The following PITPNM2 variants were observed in gnomAD, a reference collection of about 807,000 sequenced individuals.
PITPNM2 encodes membrane-associated phosphatidylinositol transfer protein 2.
In PITPNM2, 35 loss-of-function variants were observed where a neutral mutation model predicts 132.2. That is an observed-to-expected ratio of 0.26 (90% CI 0.20 to 0.35). PITPNM2 has a LOEUF of 0.35. Ranked by LOEUF, PITPNM2 falls within the 10% of genes least tolerant of loss-of-function variation. The pLI is 1.00. For missense variants in PITPNM2, 1,332 were observed against 1,912.0 expected (o/e 0.70, Z 5.66); for synonymous variants, 738 against 799.2 (o/e 0.92, Z 1.29).
chr12:123,074,092 G>A (rs971046814), intron 2 of PITPNM2, among the ~76,000 whole-genome samples: 24 of 152,192 alleles, frequency 1.6e-4, no homozygotes, highest in African/African-American at 4.6e-4. Context: ...GGGAGGGAGC[G>A]AAGGAGTGAA....
intron 8 of PITPNM2, among the ~76,000 whole-genome samples, chr12:123,003,385 G>A (rs751756636): frequency 1.3e-5 from 2 of 152,124 alleles, no homozygotes; most frequent in Admixed American, 6.5e-5. Flanking sequence ...TGTGAAATAC[G>A]TATTGTCCTC....
chr12:123,068,128 T>C (rs1245919302), intron 2 of PITPNM2, among the ~76,000 whole-genome samples: 1 of 152,142 alleles, frequency 6.6e-6, no homozygotes, highest in Non-Finnish European at 1.5e-5. Context: ...TGAACAGCTT[T>C]TTCTAGGCCC....
intron 3 of PITPNM2, among the ~76,000 whole-genome samples, chr12:123,029,808 T>C (rs2040008427): frequency 6.8e-6 from 1 of 147,840 alleles, no homozygotes; most frequent in African/African-American, 2.6e-5. Context: ...ATATGTTGTG[T>C]GTGGACACAC....
At chr12:123,135,572 T>G (rs1016400711) in intron 1 of PITPNM2, among the ~76,000 whole-genome samples, 1 of 152,222 alleles carries the variant, frequency 6.6e-6, no homozygotes, top group Non-Finnish European at 1.5e-5. Flanking sequence ...AGTCTATGAA[T>G]TTGACTACTC....
At chr12:122,995,959 T>A (rs2038410364) in intron 13 of PITPNM2, among the ~76,000 whole-genome samples, 1 of 152,192 alleles carries the variant, frequency 6.6e-6, no homozygotes, top group Non-Finnish European at 1.5e-5. Context: ...CAGACCCTGG[T>A]TCAGGCTCAT....
At chr12:122,989,981 C>T (rs1166407332) in intron 17 of PITPNM2, 33 bp from the exon 18 acceptor site, 6 of 1,298,298 alleles carry the variant, frequency 4.6e-6, no homozygotes, top group East Asian at 3.1e-5. Flanking sequence ...GGCTCAGCCA[C>T]GCGGGGATGA....
chr12:123,011,030 T>C (rs1592940613), intron 5 of PITPNM2, among the ~76,000 whole-genome samples: 1 of 152,220 alleles, frequency 6.6e-6, no homozygotes, highest in Non-Finnish European at 1.5e-5. Context: ...AGGCCACTTA[T>C]GATCACAGGC....
chr12:123,133,812 ACAGACACACACACG>A (rs1193658729), intron 1 of PITPNM2, among the ~76,000 whole-genome samples: 1 of 106,278 alleles, frequency 9.4e-6, no homozygotes, highest in Non-Finnish European at 2.1e-5. Flanking sequence ...ACACACACAC[ACAGACACACACACG>A]CTCCTCCCTC....
At chr12:123,021,807 G>T in intron 3 of PITPNM2, 1 of 708,714 alleles carries the variant, frequency 1.4e-6, no homozygotes, top group Non-Finnish European at 1.7e-6. Context: ...CTTTCTGTGT[G>T]GTCTCTGATA....
intron 1 of PITPNM2, among the ~76,000 whole-genome samples, chr12:123,148,326 G>T (rs569521784): frequency 6.6e-6 from 1 of 152,318 alleles, no homozygotes; most frequent in African/African-American, 2.4e-5. Flanking sequence ...TGACTCTGCG[G>T]TCATAAGCAG....
Position 122,990,614 on chromosome 12 carries a change from T to C in PITPNM2, c.2500A>G (p.Ser834Gly). ...APASRGFRRA[S>G]EISIASQVSG... ...ACCTGGCTGGCGATGCTGATCTCAC[T>C]GGCTCGGCGGAAGCCACGACTGGCA... Residue 834 changes from serine (S) to glycine (G), a missense_variant, in exon 17 of 26, where the codon AGT becomes GGT. Physicochemically the swap from Ser to Gly is moderately conservative, Grantham distance 56. Transcript: ENST00000320201. 1.9e-6 allele frequency: 3 copies of C among 1,612,006 alleles called. No homozygotes were observed. The highest frequency in any genetic ancestry group is 2.5e-6 in the Non-Finnish European group (3 of 1,179,888).
rs776740799 is a variant in PITPNM2 at position 123,150,471 on chromosome 12, C to A, written c.-200+282G>T. ...CGGGGGTCCCCCACGCGGTCGCGAC[C>A]GACGGAAATTCGGAAATCAGCGTTT... On this transcript the variant is annotated intron_variant, in intron 1 of 25. Transcript: ENST00000320201. This position sits in a 1 kb window ranked among gnomAD's most constrained non-coding sequence, Gnocchi z 6.0. 2.0e-4 allele frequency among the ~76,000 whole-genome samples: 31 copies of A among 152,102 alleles called. No individual in the cohort carries two copies. The highest frequency in any genetic ancestry group is 4.0e-4 in the Non-Finnish European group (27 of 68,012).
At chr12:123,011,175 T>G (rs929087172) in intron 5 of PITPNM2, among the ~76,000 whole-genome samples, 11 of 152,266 alleles carry the variant, frequency 7.2e-5, no homozygotes. Flanking sequence ...GAACCCTTTT[T>G]TGCGGTCGGT....
rs755532283 is a variant in PITPNM2, at chr12:122,996,842, A to C, written c.1541T>G (p.Leu514Arg). ...SSQDHIPLAA[L>R]PLLATSSPQY... ...GGGGGAGGAGGTGGCCAGCAGGGGG[A>C]GGGCAGCCAGGGGAATGTGGTCCTG... Residue 514 changes from leucine to arginine, a missense_variant, in exon 12 of 26, where the codon CTC (leucine) becomes CGC (arginine). Physicochemically the swap from Leu to Arg is moderately radical, Grantham distance 102 (BLOSUM62 -2). Coordinates refer to ENST00000320201, the MANE Select transcript of PITPNM2 (RefSeq NM_020845.3). 1.3e-6 allele frequency: 2 copies of C among 1,597,790 alleles called. No individual in the cohort carries two copies. Among genetic ancestry groups the C allele is most frequent in the Non-Finnish European group, 1.7e-6 (2 of 1,175,790 alleles).
intron 1 of PITPNM2, among the ~76,000 whole-genome samples, chr12:123,114,575 T>C (rs889495097): frequency 6.6e-6 from 1 of 151,484 alleles, no homozygotes; most frequent in Admixed American, 6.6e-5. Flanking sequence ...TGGAAAGCCA[T>C]GTAGCCTAGA....
At chr12:123,128,614 A>G (rs2043198783) in intron 1 of PITPNM2, among the ~76,000 whole-genome samples, 3 of 151,804 alleles carry the variant, frequency 2.0e-5, no homozygotes, top group South Asian at 2.1e-4. Context: ...TTAGCTGGCC[A>G]TAGTGGCACA....
Position 123,079,354 on chromosome 12 carries a change from T to C in PITPNM2, c.-96+31031A>G, listed in dbSNP as rs955297204. On this transcript the variant is annotated intron_variant, in intron 2 of 25. Transcript: ENST00000320201. The stretch of plus-strand genomic sequence containing the variant: ...CTTCTTTTTCTTTTTTCTTTTCTTT[T>C]TTTTTTTTTTTTTTTTTTTTTTTTT... Among the ~76,000 whole-genome samples, 18 of 87,836 alleles carry C rather than the reference T, an allele frequency of 2.0e-4. No individual in the cohort carries two copies. The East Asian group carries it at 4.1e-3, about 20-fold the overall frequency. The allele number at this position is 87,836 out of a possible 152,430, so 57.6% of individuals were successfully genotyped here.
At chr12:123,010,146 C>T in intron 5 of PITPNM2, 69 bp from the exon 6 acceptor site, 1 of 1,303,046 alleles carries the variant, frequency 7.7e-7, no homozygotes, top group Non-Finnish European at 1.1e-6. Flanking sequence ...TCTCCATGTT[C>T]CTCCACCCCC....
chr12:123,054,390 A>G (rs1051251463), intron 2 of PITPNM2, among the ~76,000 whole-genome samples: 1 of 152,198 alleles, frequency 6.6e-6, no homozygotes, highest in Non-Finnish European at 1.5e-5. Flanking sequence ...TTGTTCTATC[A>G]GATTTAGGGA....
Sources: allele counts gnomAD v4.1 joint callset (sites outside exome capture counted in the v4.1 genomes callset), GRCh38; gene constraint gnomAD v4.1.1; non-coding constraint Gnocchi (gnomAD v3.1); transcripts MANE v1.5; gene names NCBI Gene and HGNC (gene_info 2026-07-23, HGNC 2026-07-21).